Variants in MAGI2 observed in about 807,000 individuals in gnomAD.
The protein encoded by MAGI2 is membrane associated guanylate kinase, WW and PDZ domain containing 2.
MAGI2 carries 35 observed loss-of-function variants against 133.3 expected under a neutral mutation model. The ratio of observed to expected loss-of-function variants is 0.26; its 90% CI spans 0.20 to 0.35. The LOEUF is 0.35. MAGI2 is among the 10% of genes least tolerant of loss of function. MAGI2 has a pLI of 1.00. For missense variants in MAGI2, 1,636 were observed against 1,863.4 expected (o/e 0.88, Z 2.25); for synonymous variants, 729 against 710.6 (o/e 1.03, Z -0.41).
chr7:78,853,481 G>C lies in MAGI2; in HGVS notation c.418+153609C>G, dbSNP rs567455158. Among the ~76,000 whole-genome samples, 323 of 150,300 alleles carry C rather than the reference G, an allele frequency of 2.1e-3. 4 individuals are homozygous for C. Among genetic ancestry groups the C allele is most frequent in the African/African-American group, 7.5e-3 (308 of 40,944 alleles). ...AGCCATCCTCCCACATCAGCCTCCT[G>C]AGTAGCTGTGACTACAGACACATGC... On this transcript the variant is annotated intron_variant, in intron 2 of 21. Coordinates refer to ENST00000354212, the MANE Select transcript of MAGI2 (RefSeq NM_012301.4).
intron 1 of MAGI2, among the ~76,000 whole-genome samples, chr7:79,285,315 T>G (rs10234403): frequency 2.0e-5 from 3 of 151,892 alleles, no homozygotes; most frequent in Non-Finnish European, 4.4e-5. Flanking sequence ...TTTTTTAAAG[T>G]TTTTTCTGTC....
chr7:78,732,375 T>C (rs1360348295), intron 2 of MAGI2, among the ~76,000 whole-genome samples: 2 of 152,262 alleles, frequency 1.3e-5, no homozygotes, highest in Non-Finnish European at 2.9e-5. Context: ...TATGGAAGCA[T>C]TGGTACTATC....
At chr7:79,377,309 T>C (rs1477131876) in intron 1 of MAGI2, among the ~76,000 whole-genome samples, 2 of 151,578 alleles carry the variant, frequency 1.3e-5, no homozygotes, top group Non-Finnish European at 2.9e-5. Context: ...ACTTGAAAAA[T>C]TGTAGCACAA....
At chr7:78,957,106 A>C (rs1284959980) in intron 2 of MAGI2, among the ~76,000 whole-genome samples, 2 of 151,930 alleles carry the variant, frequency 1.3e-5, no homozygotes, top group Admixed American at 6.6e-5. Flanking sequence ...TCTACTAAAA[A>C]TACAAAAATT....
intron 1 of MAGI2, among the ~76,000 whole-genome samples, chr7:79,092,100 G>T (rs1441184972): frequency 6.6e-6 from 1 of 152,082 alleles, no homozygotes; most frequent in Non-Finnish European, 1.5e-5. Context: ...TTTTTCAGAA[G>T]TTCCACATTT....
intron 2 of MAGI2, among the ~76,000 whole-genome samples, chr7:78,687,076 C>A (rs1320785042): frequency 6.6e-6 from 1 of 152,180 alleles, no homozygotes; most frequent in African/African-American, 2.4e-5. Flanking sequence ...GAATCCTCCC[C>A]TTCAAGGACT....
At position 78,458,294 on chromosome 7, in the gene MAGI2, C is replaced by CAAAAAA. The variant is rs11380893; in HGVS notation, c.1045+31461_1045+31466dup. On this transcript the variant is annotated intron_variant, in intron 6 of 21. Transcript: ENST00000354212. ...CTGGAGACAGGGCAAAACTCGGTCT[C>CAAAAAA]AAAAAAAAAAAAAAAGAATAAAAGA... is the stretch of plus-strand genomic sequence containing the variant. Among the ~76,000 whole-genome samples the CAAAAAA allele has an allele frequency of 1.2e-3, 138 of 113,080 alleles. 1 individual carries two copies. The highest frequency in any genetic ancestry group is 3.9e-3 in the African/African-American group (107 of 27,634). 74.2% of individuals were successfully genotyped at this position (113,080 alleles called of 152,430 possible). A position where few individuals can be genotyped will look rare whatever the true frequency, so the allele number is the denominator to read the frequency against.
chr7:78,093,136 C>CAA (rs1157039018), intron 20 of MAGI2, among the ~76,000 whole-genome samples: 5,212 of 32,366 alleles, frequency 0.16, 765 homozygotes, highest in Non-Finnish European at 0.21. Context: ...ACTCCTTCTC[C>CAA]AAAAAAAAAA....
intron 1 of MAGI2, among the ~76,000 whole-genome samples, chr7:79,242,026 C>T (rs960922233): frequency 2.6e-5 from 4 of 152,214 alleles, no homozygotes; most frequent in African/African-American, 9.6e-5. Context: ...GAGTAATAAA[C>T]TCCATCTACC....
chr7:78,533,615 T>G (rs1288958791), intron 3 of MAGI2, among the ~76,000 whole-genome samples: 2 of 152,184 alleles, frequency 1.3e-5, no homozygotes, highest in Non-Finnish European at 2.9e-5. Flanking sequence ...TGTTGAGGAC[T>G]TGAAATGTGG....
At chr7:78,065,172 GCT>G (rs1327954410) in intron 21 of MAGI2, among the ~76,000 whole-genome samples, 1 of 152,128 alleles carries the variant, frequency 6.6e-6, no homozygotes, top group Non-Finnish European at 1.5e-5. Flanking sequence ...GGCAACTGTG[GCT>G]CTCTTTCTAT....
chr7:78,723,626 T>A (rs1407910135), intron 2 of MAGI2, among the ~76,000 whole-genome samples: 7 of 151,782 alleles, frequency 4.6e-5, no homozygotes, highest in Non-Finnish European at 1.0e-4. Flanking sequence ...AGCAAGAGGG[T>A]GTAGAGTGAG....
intron 1 of MAGI2, among the ~76,000 whole-genome samples, chr7:79,327,230 T>G (rs28450541): frequency 0.047 from 7,203 of 152,228 alleles, 276 homozygotes; most frequent in African/African-American, 0.11. Context: ...AGACAGCTCC[T>G]GGCCATAGGG....
At chr7:78,951,163 G>A (rs1316130762) in intron 2 of MAGI2, among the ~76,000 whole-genome samples, 2 of 151,828 alleles carry the variant, frequency 1.3e-5, no homozygotes, top group African/African-American at 4.8e-5. Context: ...AGTAGGGATG[G>A]GGTTTCACCA....
intron 1 of MAGI2, among the ~76,000 whole-genome samples, chr7:79,136,337 T>A (rs1821571630): frequency 6.6e-6 from 1 of 152,210 alleles, no homozygotes; most frequent in Non-Finnish European, 1.5e-5. Context: ...TTTGATACAC[T>A]GGGAGCTTAT....
chr7:78,042,194 A>C (rs943207258), intron 21 of MAGI2, among the ~76,000 whole-genome samples: 3 of 152,178 alleles, frequency 2.0e-5, no homozygotes, highest in African/African-American at 7.2e-5. Context: ...TGTTGACTCC[A>C]AAGAGTCAGG....
Position 78,096,193 on chromosome 7 carries a change from T to C in MAGI2, c.3568-17108A>G, listed in dbSNP as rs201000465. Reference sequence around the variant, plus strand: ...AAGGACACTGTGGAGGAAGATAATGTAGCAATGGTAGCAATGTTATTAAGA... The same window carrying C: ...AAGGACACTGTGGAGGAAGATAATGCAGCAATGGTAGCAATGTTATTAAGA... On this transcript the variant is annotated intron_variant, in intron 20 of 21. Transcript: ENST00000354212. Among the ~76,000 whole-genome samples the C allele has an allele frequency of 5.9e-5, 9 of 152,340 alleles. No individual in the cohort carries two copies. In the East Asian group the frequency reaches 1.7e-3, roughly 29 times the overall value.
chr7:78,925,996 T>C (rs1320111271), intron 2 of MAGI2, among the ~76,000 whole-genome samples: 1 of 152,018 alleles, frequency 6.6e-6, no homozygotes, highest in African/African-American at 2.4e-5. Flanking sequence ...TGTTTTTGAC[T>C]AAAATACTGT....
chr7:79,022,974 C>G (rs763306190), intron 1 of MAGI2, among the ~76,000 whole-genome samples: 51 of 152,044 alleles, frequency 3.4e-4, no homozygotes, highest in Non-Finnish European at 2.4e-4. Context: ...AGATTCCTCC[C>G]TAACTCATTC....
Sources: gnomAD v4.1 joint callset for allele counts (sites outside exome capture counted in the v4.1 genomes callset) on GRCh38, gnomAD v4.1.1 for gene constraint, MANE v1.5 for transcripts, NCBI Gene and HGNC (gene_info 2026-07-23, HGNC 2026-07-21) for gene names.